Variants in GPHN observed in about 807,000 individuals in gnomAD.
GPHN encodes gephyrin.
A neutral mutation model predicts 95.5 loss-of-function variants in GPHN; 17 were observed. The ratio of observed to expected loss-of-function variants is 0.18; its 90% CI spans 0.12 to 0.27. The LOEUF is 0.27. GPHN is among the 10% of genes least tolerant of loss of function. The pLI is 1.00. For missense variants in GPHN, 660 were observed against 978.1 expected, an observed-to-expected ratio of 0.67 and a Z score of 4.34; for synonymous variants, 320 against 322.5, an observed-to-expected ratio of 0.99 and a Z score of 0.08.
intron 2 of GPHN, among the ~76,000 whole-genome samples, chr14:66,769,189 AT>A (rs1387263085): frequency 5.9e-5 from 9 of 152,224 alleles, no homozygotes; most frequent in Non-Finnish European, 1.2e-4. Context: ...CCAATCATCT[AT>A]GAAATATACC....
chr14:67,130,474 A>G (rs1006903470), intron 17 of GPHN, among the ~76,000 whole-genome samples: 9 of 152,162 alleles, frequency 5.9e-5, no homozygotes, highest in Non-Finnish European at 1.2e-4. Context: ...GCTGTGTACT[A>G]TTCCATGATG....
At chr14:67,084,225 GAA>G (rs2076801791) in intron 11 of GPHN, among the ~76,000 whole-genome samples, 1 of 152,148 alleles carries the variant, frequency 6.6e-6, no homozygotes, top group South Asian at 2.1e-4. Context: ...TATCACCAAA[GAA>G]GTTCCAAAAA....
the GPHN span, chr14:67,724,431 G>A: frequency 1.2e-5 from 15 of 1,224,382 alleles, no homozygotes; most frequent in Admixed American, 3.5e-5. Context: ...GTGTGAGCTC[G>A]TGAAGGATGG....
At chr14:67,320,959 CTG>C in the GPHN span, 2 of 927,070 alleles carry the variant, frequency 2.2e-6, no homozygotes, top group African/African-American at 1.7e-5. Context: ...ATTTTATAAT[CTG>C]TGTTACAAAA....
At chr14:67,605,227 T>C in the GPHN span, among the ~76,000 whole-genome samples, 1 of 152,254 alleles carries the variant, frequency 6.6e-6, no homozygotes, top group Non-Finnish European at 1.5e-5. Flanking sequence ...TATTGAAGTC[T>C]TCTCTAATTT....
At chr14:67,586,728 C>G in the GPHN span, 5 of 1,088,580 alleles carry the variant, frequency 4.6e-6, no homozygotes, top group Non-Finnish European at 4.8e-6. Context: ...TTTGCCAAAC[C>G]TACTCCTCCT....
chr14:66,993,267 C>A (rs562803553), intron 9 of GPHN, among the ~76,000 whole-genome samples: 2 of 152,196 alleles, frequency 1.3e-5, no homozygotes, highest in East Asian at 3.9e-4. Context: ...CCTCTACACA[C>A]ACACATACAC....
chr14:66,955,137 A>G (rs2068399443), intron 8 of GPHN, among the ~76,000 whole-genome samples: 2 of 152,190 alleles, frequency 1.3e-5, no homozygotes, highest in African/African-American at 4.8e-5. Flanking sequence ...TGAGCTAGGA[A>G]ATGTTCCCTC....
chr14:67,006,085 G>A (rs2072589886), intron 9 of GPHN, among the ~76,000 whole-genome samples: 1 of 151,940 alleles, frequency 6.6e-6, no homozygotes, highest in Admixed American at 6.6e-5. Context: ...TTTGACATCA[G>A]TATTTAAATA....
At chr14:67,092,192 A>G (rs573627308) in intron 12 of GPHN, among the ~76,000 whole-genome samples, 1 of 152,180 alleles carries the variant, frequency 6.6e-6, no homozygotes, top group South Asian at 2.1e-4. Context: ...ATGAATCCTA[A>G]AAGTGATTTT....
At chr14:66,693,125 A>G (rs952750197) in intron 2 of GPHN, among the ~76,000 whole-genome samples, 1 of 152,064 alleles carries the variant, frequency 6.6e-6, no homozygotes, top group Non-Finnish European at 1.5e-5. Flanking sequence ...CAAAATATTA[A>G]CAGTTTTTTT....
At chr14:66,829,021 A>G (rs1363103307) in intron 4 of GPHN, among the ~76,000 whole-genome samples, 1 of 151,318 alleles carries the variant, frequency 6.6e-6, no homozygotes, top group East Asian at 1.9e-4. Context: ...ATTCTCACTC[A>G]TCAACTTTTT....
At chr14:67,079,115 G>A (rs1758250299) in intron 11 of GPHN, among the ~76,000 whole-genome samples, 1 of 151,988 alleles carries the variant, frequency 6.6e-6, no homozygotes, top group Non-Finnish European at 1.5e-5. Context: ...GATGGTATAT[G>A]TGTGCTATAA....
the GPHN span, among the ~76,000 whole-genome samples, chr14:67,518,497 G>C: frequency 9.8e-5 from 15 of 152,312 alleles, no homozygotes; most frequent in South Asian, 3.1e-3. Context: ...TCATGTAAAG[G>C]CCCCGCCACG....
At chr14:67,623,901 C>T in the GPHN span, among the ~76,000 whole-genome samples, 1 of 152,110 alleles carries the variant, frequency 6.6e-6, no homozygotes, top group Non-Finnish European at 1.5e-5. Flanking sequence ...AGTGCAGTGG[C>T]ATAGTCACAG....
intron 4 of GPHN, among the ~76,000 whole-genome samples, chr14:66,851,685 C>A (rs1046952688): frequency 1.4e-4 from 21 of 151,982 alleles, no homozygotes; most frequent in African/African-American, 4.8e-4. Context: ...TAGGTAAGGT[C>A]AGATGATGGA....
At chr14:67,352,735 G>A in the GPHN span, 22 of 508,872 alleles carry the variant, frequency 4.3e-5, no homozygotes, top group Admixed American at 5.3e-4. Context: ...GAGCTTTGCA[G>A]GCAAGATTAA....
chr14:67,561,338 A>G, the GPHN span, among the ~76,000 whole-genome samples: 1 of 152,178 alleles, frequency 6.6e-6, no homozygotes, highest in East Asian at 1.9e-4. Context: ...ATTGCTCGAC[A>G]CTAGGAGTTT....
At chr14:66,845,996 GA>G (rs1369518764) in intron 4 of GPHN, among the ~76,000 whole-genome samples, 2 of 152,148 alleles carry the variant, frequency 1.3e-5, no homozygotes, top group Non-Finnish European at 2.9e-5. Flanking sequence ...AAAGAGAATT[GA>G]CCCTTGTCTT....
Sources: allele counts gnomAD v4.1 joint callset (sites outside exome capture counted in the v4.1 genomes callset), GRCh38; gene constraint gnomAD v4.1.1; transcripts MANE v1.5; gene names NCBI Gene and HGNC (gene_info 2026-07-23, HGNC 2026-07-21).